Variants in CDC42BPB observed in about 807,000 individuals in gnomAD.
The protein encoded by CDC42BPB is serine/threonine-protein kinase MRCK beta.
CDC42BPB carries 37 observed loss-of-function variants against 214.9 expected under a neutral mutation model. The observed-to-expected ratio is 0.17, with a 90% confidence interval of 0.13 to 0.23. The LOEUF (loss-of-function observed/expected upper bound fraction) is 0.23, where lower values mean the gene tolerates loss of function less well. CDC42BPB is among the 10% of genes least tolerant of loss of function. The pLI, the probability that CDC42BPB is intolerant of heterozygous loss-of-function variation, is 1.00. For synonymous variants in CDC42BPB, 931 were observed against 884.0 expected, an observed-to-expected ratio of 1.05 and a Z score of -0.94; for missense variants, 1,694 against 2,227.0, an observed-to-expected ratio of 0.76 and a Z score of 4.82.
intron 11 of CDC42BPB, among the ~76,000 whole-genome samples, chr14:102,974,859 T>C: frequency 6.6e-6 from 1 of 152,144 alleles, no homozygotes; most frequent in East Asian, 1.9e-4. Context: ...GACAGGAGAA[T>C]GGCGTGAACC....
chr14:102,945,867 A>T, intron 28 of CDC42BPB, 143 bp from the exon 29 acceptor site: 3 of 687,866 alleles, frequency 4.4e-6, no homozygotes, highest in Non-Finnish European at 7.7e-6. Flanking sequence ...GTGACACTTC[A>T]GTATCGGGGG....
At chr14:103,015,643 G>A (rs1026352034) in intron 1 of CDC42BPB, among the ~76,000 whole-genome samples, 1 of 152,328 alleles carries the variant, frequency 6.6e-6, no homozygotes, top group South Asian at 2.1e-4. Context: ...TTACTAAGAT[G>A]GAAATACCAC....
At chr14:102,956,432 T>C (rs1467620134) in intron 21 of CDC42BPB, 2 of 984,408 alleles carry the variant, frequency 2.0e-6, no homozygotes, top group Non-Finnish European at 2.4e-6. Flanking sequence ...GGATAAGAAG[T>C]TTCTCAAAGA....
At chr14:103,044,396 GTC>G (rs1888176639) in intron 1 of CDC42BPB, among the ~76,000 whole-genome samples, 1 of 140,570 alleles carries the variant, frequency 7.1e-6, no homozygotes, top group Non-Finnish European at 1.5e-5. Flanking sequence ...TTGAGACAGA[GTC>G]TCGCTCTGTC....
chr14:103,040,247 C>T (rs1012867094), intron 1 of CDC42BPB, among the ~76,000 whole-genome samples: 5 of 151,492 alleles, frequency 3.3e-5, no homozygotes, highest in African/African-American at 4.8e-5. Flanking sequence ...CCCAGCTACT[C>T]GGGAGGCTGA....
intron 5 of CDC42BPB, among the ~76,000 whole-genome samples, chr14:102,992,835 A>T (rs2017639): frequency 6.7e-6 from 1 of 149,648 alleles, no homozygotes; most frequent in Non-Finnish European, 1.5e-5. Context: ...TTATTTATTT[A>T]TTTATTTTTG....
chr14:102,987,313 A>G (rs1337575019), intron 5 of CDC42BPB, among the ~76,000 whole-genome samples: 1 of 152,244 alleles, frequency 6.6e-6, no homozygotes, highest in East Asian at 1.9e-4. Flanking sequence ...TCTCAAACAC[A>G]TGTGCGGGTG....
intron 13 of CDC42BPB, 134 bp downstream of exon 13, chr14:102,971,785 C>G: frequency 1.2e-6 from 1 of 822,472 alleles, no homozygotes; most frequent in Non-Finnish European, 1.9e-6. Flanking sequence ...AAATGCTCGG[C>G]CGATCAACTT....
intron 24 of CDC42BPB, among the ~76,000 whole-genome samples, chr14:102,951,692 C>G (rs1210977210): frequency 1.3e-5 from 2 of 151,922 alleles, no homozygotes; most frequent in Non-Finnish European, 2.9e-5. Flanking sequence ...GCGGATGAGG[C>G]AGGAGAATCA....
intron 1 of CDC42BPB, among the ~76,000 whole-genome samples, chr14:103,026,897 A>G (rs1887088652): frequency 6.6e-6 from 1 of 152,110 alleles, no homozygotes; most frequent in Admixed American, 6.6e-5. Context: ...TGAGAAGACA[A>G]ACAACAGAAG....
chr14:102,998,927 G>A (rs1196065156), intron 5 of CDC42BPB, among the ~76,000 whole-genome samples: 16 of 147,878 alleles, frequency 1.1e-4, no homozygotes, highest in Non-Finnish European at 2.1e-4. Context: ...GGTCTTGGGC[G>A]GTAGAGACAG....
rs1292369795 is a variant in CDC42BPB, at chr14:102,978,041, C to T, written c.1220+85G>A. On this transcript the variant is annotated intron_variant, in intron 9 of 36. Transcript: ENST00000361246. The stretch of plus-strand genomic sequence containing the variant: ...CCAGCGCACACACCACCCACTAGCC[C>T]GCCCCCAGGGACAGACTGTGGTGTC... 35 of 1,072,014 alleles carry T rather than the reference C, an allele frequency of 3.3e-5. 1 individual carries two copies. The highest frequency in any genetic ancestry group is 6.2e-5 in the African/African-American group (4 of 64,084). The allele number at this position is 1,072,014 out of a possible 1,614,324, so 66.4% of individuals were successfully genotyped here.
intron 1 of CDC42BPB, among the ~76,000 whole-genome samples, chr14:103,050,887 C>T (rs1888567964): frequency 6.6e-6 from 1 of 152,168 alleles, no homozygotes; most frequent in African/African-American, 2.4e-5. Flanking sequence ...TCCAAAGACT[C>T]TCCAATCCAA....
chr14:102,992,084 A>G (rs952762464), intron 5 of CDC42BPB, among the ~76,000 whole-genome samples: 31 of 152,166 alleles, frequency 2.0e-4, no homozygotes, highest in African/African-American at 7.5e-4. Context: ...GTCACTGTGG[A>G]AAGTTCTGCA....
intron 4 of CDC42BPB, among the ~76,000 whole-genome samples, chr14:103,002,612 C>CGGG (rs36032783): frequency 7.2e-5 from 11 of 152,074 alleles, no homozygotes; most frequent in African/African-American, 2.2e-4. Context: ...GAGCAGGAAG[C>CGGG]GGGGGGGTTT....
intron 21 of CDC42BPB, among the ~76,000 whole-genome samples, chr14:102,958,943 G>C (rs898863495): frequency 2.0e-5 from 3 of 151,018 alleles, no homozygotes; most frequent in Non-Finnish European, 3.0e-5. Flanking sequence ...AAAGTGCTGG[G>C]ATTACAGGCG....
chr14:102,960,165 A>G (rs570350655), intron 20 of CDC42BPB, among the ~76,000 whole-genome samples: 2 of 152,258 alleles, frequency 1.3e-5, no homozygotes, highest in African/African-American at 4.8e-5. Flanking sequence ...AGATCATGCC[A>G]CTGTACTCCA....
Position 102,939,897 on chromosome 14 carries a change from G to A in CDC42BPB, c.4642C>T (p.Leu1548=). The A allele has an allele frequency of 6.2e-7, 1 of 1,614,038 alleles. No individual in the cohort carries two copies. Among genetic ancestry groups the A allele is most frequent in the Non-Finnish European group, 8.5e-7 (1 of 1,180,044 alleles). The part of the protein sequence containing the change: ...DTSDNSKKQM[L]RTRSKRRFVF... Reference sequence around the variant, plus strand: ...AACCGCCTTTTGCTCCTGGTGCGCAGCATCTGCTTCTTGCTGTTGTCGGAG... The same window carrying A: ...AACCGCCTTTTGCTCCTGGTGCGCAACATCTGCTTCTTGCTGTTGTCGGAG... The change falls in exon 33 of 37, where the codon CTG becomes TTG. Residue 1548 remains leucine (L), a synonymous_variant. Transcript: ENST00000361246.
intron 1 of CDC42BPB, among the ~76,000 whole-genome samples, chr14:103,024,330 G>A (rs564271253): frequency 6.6e-6 from 1 of 152,292 alleles, no homozygotes; most frequent in African/African-American, 2.4e-5. Context: ...CCTTGAGACT[G>A]AGACTTGCTA....
Sources: allele counts gnomAD v4.1 joint callset (sites outside exome capture counted in the v4.1 genomes callset), GRCh38; gene constraint gnomAD v4.1.1; transcripts MANE v1.5; gene names NCBI Gene and HGNC (gene_info 2026-07-23, HGNC 2026-07-21).